ZNF391: variants seen among roughly 807,000 people sequenced by gnomAD.
The protein encoded by ZNF391 is zinc finger protein 391.
For missense variants in ZNF391, 375 were observed against 425.5 expected (o/e 0.88, Z 1.04); for synonymous variants, 126 against 142.1 (o/e 0.89, Z 0.80).
upstream of ZNF391, among the ~76,000 whole-genome samples, chr6:27,385,551 A>C (rs189183535): frequency 3.9e-5 from 6 of 152,334 alleles, no homozygotes; most frequent in Admixed American, 6.5e-5. Flanking sequence ...AAAAAAGGGA[A>C]TTATGTAATG....
rs1429169014 is a variant in ZNF391 at position 27,403,659 on chromosome 6, T to A, written c.*2212T>A. The A allele has an allele frequency of 6.6e-6, 1 of 152,186 alleles. No homozygotes were observed. The highest frequency in any genetic ancestry group is 1.5e-5 in the Non-Finnish European group (1 of 68,040). 9.4% of individuals were successfully genotyped at this position (152,186 alleles called of 1,614,324 possible). On this transcript the variant is annotated 3_prime_UTR_variant, in exon 3 of 3. Transcript: ENST00000244576. ...CATAGGGTTTAATTTAGCAGCATAA[T>A]CTTTTTAGTCTTTTGAATGATGAGG...
At chr6:27,396,770 T>A (rs11757384) in intron 1 of ZNF391, among the ~76,000 whole-genome samples, 63 of 152,266 alleles carry the variant, frequency 4.1e-4, no homozygotes, top group Admixed American at 1.1e-3. Flanking sequence ...GATTTTCCAA[T>A]ACATATAAAA....
chr6:27,395,684 C>T (rs1761809764), intron 1 of ZNF391, among the ~76,000 whole-genome samples: 2 of 152,022 alleles, frequency 1.3e-5, no homozygotes, highest in Admixed American at 6.6e-5. Context: ...TCAAATTGGC[C>T]ATATCCAAGA....
chr6:27,398,082 T>C (rs1479081691), intron 1 of ZNF391, among the ~76,000 whole-genome samples: 1 of 152,174 alleles, frequency 6.6e-6, no homozygotes, highest in African/African-American at 2.4e-5. Context: ...CTTGAGGTTC[T>C]CCATGCATGG....
intron 1 of ZNF391, among the ~76,000 whole-genome samples, chr6:27,382,034 C>CA (rs58338028): frequency 0.025 from 2,172 of 88,322 alleles, 151 homozygotes; most frequent in African/African-American, 0.072. Context: ...GACTCCATCT[C>CA]AAAAAAAAAA....
chr6:27,377,129 T>C (rs560469903), intron 1 of ZNF391, among the ~76,000 whole-genome samples: 1 of 152,158 alleles, frequency 6.6e-6, no homozygotes, highest in Admixed American at 6.5e-5. Flanking sequence ...GCCATGAGGA[T>C]TCAAATAAAG....
intron 1 of ZNF391, among the ~76,000 whole-genome samples, chr6:27,380,900 A>G (rs1369281985): frequency 5.3e-5 from 8 of 152,082 alleles, no homozygotes; most frequent in Non-Finnish European, 1.0e-4. Flanking sequence ...ATGTTTACAA[A>G]CCTTGAGTTA....
Position 27,388,819 on chromosome 6 carries a change from C to T in ZNF391, c.-444C>T. 2.3e-6 allele frequency: 1 copy of T among 433,192 alleles called. No individual in the cohort carries two copies. The allele number at this position is 433,192 out of a possible 1,614,324, so 26.8% of individuals were successfully genotyped here. A position where few individuals can be genotyped will look rare whatever the true frequency, so the allele number is the denominator to read the frequency against. On this transcript the variant is annotated 5_prime_UTR_variant, in exon 1 of 3. Transcript: ENST00000244576. ...CAGGAGACTTAGGTCCAGGCGACTG[C>T]CCAGACAATGACTGGTCCCGCATAC...
At position 27,401,547 on chromosome 6, in the gene ZNF391, T is replaced by A; in HGVS notation, c.*100T>A. 1.1e-6 allele frequency: 1 copy of A among 921,676 alleles called. No individual in the cohort carries two copies. The highest frequency in any genetic ancestry group is 1.6e-6 in the Non-Finnish European group (1 of 641,276). 57.1% of individuals were successfully genotyped at this position (921,676 alleles called of 1,614,324 possible). A position where few individuals can be genotyped will look rare whatever the true frequency, so the allele number is the denominator to read the frequency against. ...AGTATATATATACTTGTTCTAATTT[T>A]CTTTTATTAGATACCTATACCCGTT... On this transcript the variant is annotated 3_prime_UTR_variant, in exon 3 of 3. Transcript: ENST00000244576.
At chr6:27,377,066 G>A (rs1677052477) in intron 1 of ZNF391, among the ~76,000 whole-genome samples, 1 of 152,156 alleles carries the variant, frequency 6.6e-6, no homozygotes, top group South Asian at 2.1e-4. Context: ...AACTGAGTCA[G>A]ATGGAACTGA....
At chr6:27,391,436 G>T (rs1418571599) in intron 1 of ZNF391, among the ~76,000 whole-genome samples, 1 of 152,052 alleles carries the variant, frequency 6.6e-6, no homozygotes, top group African/African-American at 2.4e-5. Context: ...TTGAAATCCT[G>T]ACCTCAGGTG....
intron 1 of ZNF391, among the ~76,000 whole-genome samples, chr6:27,381,318 C>G (rs1362230372): frequency 6.6e-6 from 1 of 152,246 alleles, no homozygotes; most frequent in South Asian, 2.1e-4. Flanking sequence ...GGGTGCTAAG[C>G]CCCTCATTGC....
At chr6:27,385,800 C>T (rs1254293767), upstream of ZNF391, among the ~76,000 whole-genome samples, 1 of 152,118 alleles carries the variant, frequency 6.6e-6, no homozygotes, top group Admixed American at 6.5e-5. Flanking sequence ...CATCTATAGA[C>T]TTCATCCAAG....
chr6:27,402,187 A>C lies in ZNF391; in HGVS notation c.*740A>C, dbSNP rs1334332589. ...CTAAAAATCTTGGAGACGTTCCTCC[A>C]TGATCTTGGGAAAAAAAGTTGCCAA... On this transcript the variant is annotated 3_prime_UTR_variant, in exon 3 of 3. Transcript: ENST00000244576. 3.3e-5 allele frequency: 5 copies of C among 152,126 alleles called. No individual in the cohort carries two copies. The highest frequency in any genetic ancestry group is 5.9e-5 in the Non-Finnish European group (4 of 68,018). The allele number at this position is 152,126 out of a possible 1,614,324, so 9.4% of individuals were successfully genotyped here.
intron 1 of ZNF391, among the ~76,000 whole-genome samples, chr6:27,380,421 C>T (rs1761480120): frequency 6.6e-6 from 1 of 151,666 alleles, no homozygotes; most frequent in Non-Finnish European, 1.5e-5. Flanking sequence ...CCGGTGGGTT[C>T]GTGGTCTCGC....
chr6:27,391,029 A>G (rs1188678980), intron 1 of ZNF391: 1 of 152,110 alleles, frequency 6.6e-6, no homozygotes, highest in Non-Finnish European at 1.5e-5. Flanking sequence ...CATACCCCAT[A>G]TGAAGAGAAC....
rs1018540877 is a variant in ZNF391 at position 27,376,519 on chromosome 6, G to T, written n.523+1382G>T. Among the ~76,000 whole-genome samples, 3 of 152,138 alleles carry T rather than the reference G, an allele frequency of 2.0e-5. No individual in the cohort carries two copies. The highest frequency in any genetic ancestry group is 4.4e-5 in the Non-Finnish European group (3 of 68,020). On this transcript the variant is annotated intron_variant and non_coding_transcript_variant, in intron 1 of 2. Transcript: ENST00000477999. This position sits in a 1 kb window ranked among gnomAD's most constrained non-coding sequence, Gnocchi z 4.7. ...TTTGGATTGGGACGTATGTGTGTAT[G>T]TGCTCTCTAACTCCTCTGCCTGATC... is the stretch of plus-strand genomic sequence containing the variant.
intron 1 of ZNF391, among the ~76,000 whole-genome samples, chr6:27,378,090 G>C (rs1397922003): frequency 6.6e-6 from 1 of 152,086 alleles, no homozygotes; most frequent in African/African-American, 2.4e-5. Context: ...ATATTGAATG[G>C]TCTATTTATA....
intron 1 of ZNF391, among the ~76,000 whole-genome samples, chr6:27,383,273 G>A (rs1009318923): frequency 1.3e-5 from 2 of 150,744 alleles, no homozygotes; most frequent in South Asian, 2.1e-4. Flanking sequence ...AAAGACAGGG[G>A]GTGGGGAAGG....
Sources: gnomAD v4.1 joint callset for allele counts (sites outside exome capture counted in the v4.1 genomes callset) on GRCh38, gnomAD v4.1.1 for gene constraint, Gnocchi (gnomAD v3.1) non-coding constraint, MANE v1.5 for transcripts, NCBI Gene and HGNC (gene_info 2026-07-23, HGNC 2026-07-21) for gene names.